NOL10: variants seen among roughly 807,000 people sequenced by gnomAD.
The protein encoded by NOL10 is H_NH0074G24.1.
A neutral mutation model predicts 103.5 loss-of-function variants in NOL10; 58 were observed. The observed-to-expected ratio is 0.56, with a 90% CI of 0.45 to 0.70. The LOEUF is 0.70. Among genes scored for constraint, NOL10 ranks in the 30% least tolerant of loss-of-function variants. NOL10 has a pLI of 0.00. For synonymous variants in NOL10, 287 were observed against 282.5 expected (o/e 1.02, Z -0.16); for missense variants, 763 against 807.3 (o/e 0.95, Z 0.67).
intron 13 of NOL10, among the ~76,000 whole-genome samples, chr2:10,642,678 GA>G (rs531372078): frequency 6.7e-6 from 1 of 150,072 alleles, no homozygotes; most frequent in South Asian, 2.1e-4. Flanking sequence ...GACTGAAAAG[GA>G]AAAAAAAACC....
chr2:10,598,332 A>G (rs937783978), intron 17 of NOL10, among the ~76,000 whole-genome samples: 2 of 152,206 alleles, frequency 1.3e-5, no homozygotes, highest in African/African-American at 4.8e-5. Context: ...TCAGATACCG[A>G]AGACAAACTC....
At chr2:10,573,056 T>C (rs1372626698) in intron 20 of NOL10, among the ~76,000 whole-genome samples, 1 of 137,158 alleles carries the variant, frequency 7.3e-6, no homozygotes, top group African/African-American at 3.0e-5. Context: ...CTCCTGAAGG[T>C]AAAGCTCAAA....
rs537280361 is a variant in NOL10 at position 10,655,356 on chromosome 2, A to G, written c.907-809T>C. Reference sequence around the variant, plus strand: ...CAATCAGAGGAGAGAGATGGCCAGCATGGAAAATGAGGACAACACTGCCAT... The same window carrying G: ...CAATCAGAGGAGAGAGATGGCCAGCGTGGAAAATGAGGACAACACTGCCAT... On this transcript the variant is annotated intron_variant, in intron 11 of 20. Transcript: ENST00000381685. Among the ~76,000 whole-genome samples the G allele has an allele frequency of 3.9e-5, 6 of 152,332 alleles. No individual in the cohort carries two copies. The South Asian group carries it at 1.2e-3, about 32-fold the overall frequency.
intron 10 of NOL10, 38 bp from the exon 11 acceptor site, chr2:10,657,929 T>C: frequency 7.0e-7 from 1 of 1,426,460 alleles, no homozygotes; most frequent in South Asian, 1.4e-5. Flanking sequence ...AAACTAGACA[T>C]TTTATCTTCA....
intron 6 of NOL10, among the ~76,000 whole-genome samples, chr2:10,670,010 C>G (rs1395599519): frequency 2.6e-5 from 4 of 152,110 alleles, no homozygotes; most frequent in Middle Eastern, 3.4e-3. Context: ...CCCAGGAATT[C>G]AAGACCAGCC....
chr2:10,572,690 C>T (rs1361418351), intron 20 of NOL10, among the ~76,000 whole-genome samples: 1 of 152,230 alleles, frequency 6.6e-6, no homozygotes, highest in African/African-American at 2.4e-5. Context: ...TTAAAGCATT[C>T]ATTCACTAGA....
At chr2:10,659,080 C>T in intron 10 of NOL10, 92 bp downstream of exon 10, 1 of 854,738 alleles carries the variant, frequency 1.2e-6, no homozygotes. Context: ...AGTATGATCT[C>T]ATTTTCTGTT....
chr2:10,655,799 G>A (rs991549763), intron 11 of NOL10, among the ~76,000 whole-genome samples: 3 of 152,218 alleles, frequency 2.0e-5, no homozygotes, highest in Non-Finnish European at 2.9e-5. Context: ...TCTGACACTA[G>A]GATGGACTAA....
chr2:10,592,195 T>C (rs986109665), intron 17 of NOL10, among the ~76,000 whole-genome samples: 9 of 152,038 alleles, frequency 5.9e-5, no homozygotes, highest in African/African-American at 1.9e-4. Context: ...AAAGAATAAT[T>C]ACGAGATACA....
intron 12 of NOL10, among the ~76,000 whole-genome samples, chr2:10,649,870 T>C (rs1679343974): frequency 6.6e-6 from 1 of 152,192 alleles, no homozygotes; most frequent in African/African-American, 2.4e-5. Context: ...CACTGAAATC[T>C]GAATTTCAGT....
At chr2:10,595,078 G>A (rs1675597254) in intron 17 of NOL10, among the ~76,000 whole-genome samples, 1 of 134,696 alleles carries the variant, frequency 7.4e-6, no homozygotes, top group Admixed American at 8.2e-5. Flanking sequence ...GTTATCAAAA[G>A]ATAATGCCTA....
chr2:10,628,068 C>A (rs962595714), intron 13 of NOL10, among the ~76,000 whole-genome samples: 2 of 152,184 alleles, frequency 1.3e-5, no homozygotes, highest in Non-Finnish European at 2.9e-5. Flanking sequence ...GCTCTTCCCA[C>A]ACCCTCAAAC....
chr2:10,646,144 A>T (rs562933026), intron 12 of NOL10, among the ~76,000 whole-genome samples: 3 of 152,314 alleles, frequency 2.0e-5, no homozygotes, highest in South Asian at 4.1e-4. Context: ...GATGGACAGA[A>T]ACTGCCTCTG....
rs1373698116 is a variant in NOL10, at chr2:10,671,553, C to T, written c.464+1G>A. 1.2e-6 allele frequency: 2 copies of T among 1,603,040 alleles called. No individual in the cohort carries two copies. The highest frequency in any genetic ancestry group is 1.7e-6 in the Non-Finnish European group (2 of 1,175,536). ...GGAGAAAAAGGGACTGGATCCAATACCTTGCACCAACAAAGTACAAGTCAC... is the reference window on the plus strand; with the variant it reads ...GGAGAAAAAGGGACTGGATCCAATATCTTGCACCAACAAAGTACAAGTCAC... On this transcript the variant is annotated splice_donor_variant, in intron 6 of 20. Transcript: ENST00000381685. LOFTEE classifies it high-confidence loss of function.
Position 10,571,990 on chromosome 2 carries a change from C to T in NOL10, c.*81G>A, listed in dbSNP as rs1674201151. 4 of 1,481,004 alleles carry T rather than the reference C, an allele frequency of 2.7e-6. No homozygotes were observed. The highest frequency in any genetic ancestry group is 3.7e-6 in the Non-Finnish European group (4 of 1,075,932). 91.7% of individuals were successfully genotyped at this position (1,481,004 alleles called of 1,614,324 possible). On this transcript the variant is annotated 3_prime_UTR_variant, in exon 21 of 21. Transcript: ENST00000381685. ...TGAACTTTAAAAACGTGTGTTTCCT[C>T]GTCTGTGTTTAACACCCTAACGATG...
At chr2:10,648,342 G>A (rs570682379) in intron 12 of NOL10, among the ~76,000 whole-genome samples, 10 of 152,280 alleles carry the variant, frequency 6.6e-5, no homozygotes, top group Middle Eastern at 3.4e-3. Flanking sequence ...AGAGTTGAAC[G>A]GGAGGAAAAG....
At chr2:10,573,545 T>C (rs1674294950) in intron 20 of NOL10, among the ~76,000 whole-genome samples, 1 of 151,996 alleles carries the variant, frequency 6.6e-6, no homozygotes, top group African/African-American at 2.4e-5. Flanking sequence ...TGTGTTACCC[T>C]TGAGGAGAAA....
At chr2:10,619,714 A>G (rs1043806467) in intron 13 of NOL10, among the ~76,000 whole-genome samples, 1 of 152,170 alleles carries the variant, frequency 6.6e-6, no homozygotes, top group African/African-American at 2.4e-5. Context: ...CATGGCCCCA[A>G]TCTTCTTCAA....
At chr2:10,657,057 G>A (rs1311210132) in intron 11 of NOL10, among the ~76,000 whole-genome samples, 1 of 152,130 alleles carries the variant, frequency 6.6e-6, no homozygotes, top group South Asian at 2.1e-4. Context: ...GGTGGCTCAC[G>A]CCTGTAATCC....
Sources: allele counts gnomAD v4.1 joint callset (sites outside exome capture counted in the v4.1 genomes callset), GRCh38; gene constraint gnomAD v4.1.1; transcripts MANE v1.5; gene names NCBI Gene and HGNC (gene_info 2026-07-23, HGNC 2026-07-21).